The following CALR3 variants were observed in gnomAD, a reference collection of about 807,000 sequenced individuals.
CALR3 encodes calreticulin 3.
In CALR3, 39 loss-of-function variants were observed where a neutral mutation model predicts 48.7. The ratio of observed to expected loss-of-function variants is 0.80; its 90% CI spans 0.62 to 1.05. The LOEUF (loss-of-function observed/expected upper bound fraction) is 1.05, where lower values mean the gene tolerates loss of function less well. Among genes scored for constraint, CALR3 ranks in the 50% least tolerant of loss-of-function variants. The probability of loss-of-function intolerance (pLI) is 0.00; values close to 1 mark genes in which losing one functional copy is unlikely to be tolerated. For synonymous variants in CALR3, 185 were observed against 172.7 expected, an observed-to-expected ratio of 1.07 and a Z score of -0.56; for missense variants, 449 against 474.7, an observed-to-expected ratio of 0.95 and a Z score of 0.50.
At chr19:16,495,982 T>A in intron 1 of CALR3, 57 bp downstream of exon 1, 1 of 1,567,178 alleles carries the variant, frequency 6.4e-7, no homozygotes, top group Admixed American at 1.9e-5. Flanking sequence ...TGGCCAGCCT[T>A]AGGGGGCGGA....
chr19:16,483,975 C>T lies in CALR3; in HGVS notation c.633G>A (p.Pro211=), dbSNP rs748099861. ...TCTGTTCCCAATCCTTCGATTCTGC[C>T]GGGGACGTTTCCTTCTTGAGTGATG... The part of the protein sequence containing the change: ...NLTSLKKETS[P]AESKDWEQTK... The change falls in exon 5 of 9, where the codon CCG becomes CCA. Residue 211 remains proline, a synonymous_variant. Transcript: ENST00000269881. 7.4e-6 allele frequency: 12 copies of T among 1,613,826 alleles called. No homozygotes were observed. The highest frequency in any genetic ancestry group is 6.7e-5 in the East Asian group (3 of 44,880).
At chr19:16,480,039 C>T (rs1306999829) in intron 8 of CALR3, among the ~76,000 whole-genome samples, 1 of 149,344 alleles carries the variant, frequency 6.7e-6, no homozygotes, top group Non-Finnish European at 1.5e-5. Context: ...CCCGTCTCTA[C>T]TAAAAATACA....
At chr19:16,485,922 T>C (rs1373521500) in intron 3 of CALR3, among the ~76,000 whole-genome samples, 1 of 152,098 alleles carries the variant, frequency 6.6e-6, no homozygotes, top group African/African-American at 2.4e-5. Flanking sequence ...CCTCCCAAAG[T>C]GCTGAGATTA....
chr19:16,491,444 C>T (rs1160910941), intron 2 of CALR3, among the ~76,000 whole-genome samples: 1 of 150,236 alleles, frequency 6.7e-6, no homozygotes, highest in Non-Finnish European at 1.5e-5. Flanking sequence ...AAACATTCTA[C>T]TCTGCCTTTT....
intron 7 of CALR3, among the ~76,000 whole-genome samples, chr19:16,481,830 A>G (rs545651933): frequency 5.9e-5 from 9 of 151,290 alleles, no homozygotes; most frequent in Middle Eastern, 6.9e-3. Flanking sequence ...CAAAAAAACA[A>G]ACAAAACTCT....
At position 16,490,378 on chromosome 19, in the gene CALR3, T is replaced by C; in HGVS notation, c.386A>G (p.Tyr129Cys). ...QKNLNGKSQY[Y>C]IMFGPDICGF... ...CCACGTAAACTCACCAAACATAATA[T>C]AGTACTGCGATTTTCCATTCAGGTT... Residue 129 changes from tyrosine to cysteine, a missense_variant, in exon 3 of 9, where the codon TAT (tyrosine) becomes TGT (cysteine). Transcript: ENST00000269881. 3 of 1,614,136 alleles carry C rather than the reference T, an allele frequency of 1.9e-6. No homozygotes were observed. Among genetic ancestry groups the C allele is most frequent in the East Asian group, 2.2e-5 (1 of 44,878 alleles).
intron 2 of CALR3, among the ~76,000 whole-genome samples, chr19:16,493,776 G>A (rs1283770192): frequency 6.6e-6 from 1 of 151,872 alleles, no homozygotes; most frequent in Non-Finnish European, 1.5e-5. Flanking sequence ...TATCCAGGCT[G>A]GAGTGCAGTG....
chr19:16,483,714 G>C (rs1034661341), intron 5 of CALR3: 17 of 547,818 alleles, frequency 3.1e-5, no homozygotes, highest in Middle Eastern at 4.9e-4. Context: ...ACGAAACTCT[G>C]TCTCAAAAAA....
rs543953490 is a variant in CALR3, at chr19:16,482,536, G to A, written c.832C>T (p.Arg278Cys). 1.4e-5 allele frequency: 22 copies of A among 1,614,148 alleles called. No homozygotes were observed. The highest frequency in any genetic ancestry group is 1.3e-4 in the East Asian group (6 of 44,888). The change falls in exon 7 of 9, where the codon CGT (arginine) becomes TGT (cysteine). Residue 278 changes from arginine to cysteine, a missense_variant. Arg to Cys is a radical substitution (Grantham distance 180). Coordinates refer to ENST00000269881, the MANE Select transcript of CALR3 (RefSeq NM_145046.5). ...EGIHKDVWLH[R>C]KMKNTDYLTQ... ...AAATAGTCGGTATTCTTCATCTTACGGTGGAGCCAGACGTCTTTATGAATA... is the reference window on the plus strand; with the variant it reads ...AAATAGTCGGTATTCTTCATCTTACAGTGGAGCCAGACGTCTTTATGAATA...
In CALR3 at chr19:16,483,897, C is replaced by G. The variant is rs1389755949; in HGVS notation, c.678+33G>C. 2.5e-6 allele frequency: 4 copies of G among 1,607,094 alleles called. No homozygotes were observed. The South Asian group carries it at 3.3e-5, about 13-fold the overall frequency. On this transcript the variant is annotated intron_variant, in intron 5 of 8. Coordinates refer to ENST00000269881, the MANE Select transcript of CALR3 (RefSeq NM_145046.5). ...TGGGTACTTACAAACTACATTTGTGCACTTTTTAGAGTTGCCCAGGAAAAA... is the reference window on the plus strand; with the variant it reads ...TGGGTACTTACAAACTACATTTGTGGACTTTTTAGAGTTGCCCAGGAAAAA...
At chr19:16,486,336 T>C (rs1165099114) in intron 3 of CALR3, among the ~76,000 whole-genome samples, 1 of 125,744 alleles carries the variant, frequency 8.0e-6, no homozygotes, top group Admixed American at 8.1e-5. Flanking sequence ...AAAAAAAAAG[T>C]GTGGGCTGGG....
intron 7 of CALR3, among the ~76,000 whole-genome samples, chr19:16,481,222 T>C (rs2122125703): frequency 1.3e-5 from 2 of 152,186 alleles, no homozygotes; most frequent in South Asian, 4.1e-4. Context: ...GCTGGGACTA[T>C]TACAGGCGTG....
intron 3 of CALR3, 55 bp downstream of exon 3, chr19:16,490,312 G>T (rs960194810): frequency 2.7e-6 from 4 of 1,486,158 alleles, no homozygotes; most frequent in Non-Finnish European, 3.8e-6. Context: ...ATCCTGTGAA[G>T]TGGGAGGGTT....
chr19:16,483,591 G>A (rs2122130296), intron 5 of CALR3, among the ~76,000 whole-genome samples: 1 of 140,288 alleles, frequency 7.1e-6, no homozygotes, highest in Non-Finnish European at 1.6e-5. Flanking sequence ...GGTGGCGGGT[G>A]CCTGTAATCC....
chr19:16,484,032 T>G lies in CALR3; in HGVS notation c.576A>C (p.Glu192Asp). Residue 192 changes from glutamate (E) to aspartate (D), a missense_variant, in exon 5 of 9, where the codon GAA becomes GAC. Glu to Asp is a conservative substitution (Grantham distance 45). Coordinates refer to ENST00000269881, the MANE Select transcript of CALR3 (RefSeq NM_145046.5). ...TCCAGTCGTACTCTATGCTGCCGGA[T>G]TCAATTGACTGACCATCAATTTTCA... ...YDVKIDGQSIESGSIEYDWNL... is the reference protein window; with the variant it reads ...YDVKIDGQSIDSGSIEYDWNL... 6.2e-7 allele frequency: 1 copy of G among 1,614,150 alleles called. No individual in the cohort carries two copies. Among genetic ancestry groups the G allele is most frequent in the South Asian group, 1.1e-5 (1 of 91,076 alleles).
rs1420658492 is a variant in CALR3, at chr19:16,485,249, T to C, written c.406A>G (p.Ile136Val). The C allele has an allele frequency of 6.3e-7, 1 of 1,599,968 alleles. No individual in the cohort carries two copies. Among genetic ancestry groups the C allele is most frequent in the Admixed American group, 1.7e-5 (1 of 59,912 alleles). ...ACTTTCTTGATATCAAATCCACAAATATCGGGTCCTACAAAAAAGATTAGC... is the reference window on the plus strand; with the variant it reads ...ACTTTCTTGATATCAAATCCACAAACATCGGGTCCTACAAAAAAGATTAGC... ...SQYYIMFGPD[I>V]CGFDIKKVHV... The change falls in exon 4 of 9, where the codon ATT (isoleucine) becomes GTT (valine). Residue 136 changes from isoleucine (I) to valine (V), a missense_variant. Coordinates refer to ENST00000269881, the MANE Select transcript of CALR3 (RefSeq NM_145046.5).
chr19:16,493,379 C>A (rs2093400893), intron 2 of CALR3, among the ~76,000 whole-genome samples: 2 of 152,204 alleles, frequency 1.3e-5, no homozygotes, highest in South Asian at 4.2e-4. Flanking sequence ...TCAAGCCTTG[C>A]CTAGAAAGAT....
At chr19:16,482,916 C>T (rs1412258722) in intron 5 of CALR3, 131 bp from the exon 6 acceptor site, 3 of 819,736 alleles carry the variant, frequency 3.7e-6, no homozygotes, top group African/African-American at 1.7e-5. Flanking sequence ...GCAATCATGG[C>T]TCACTGCAGC....
chr19:16,481,655 C>A lies in CALR3; in HGVS notation c.918+795G>T, dbSNP rs951700223. The stretch of plus-strand genomic sequence containing the variant: ...CTGGGACTACAAGCACGCACCACCA[C>A]ACCCAGCTAATTTTTGTATTTTTAG... On this transcript the variant is annotated intron_variant, in intron 7 of 8. Transcript: ENST00000269881. Among the ~76,000 whole-genome samples the A allele has an allele frequency of 6.6e-5, 10 of 151,894 alleles. No homozygotes were observed. In the East Asian group the frequency reaches 1.2e-3, roughly 18 times the overall value.
Sources: allele counts gnomAD v4.1 joint callset (sites outside exome capture counted in the v4.1 genomes callset), GRCh38; gene constraint gnomAD v4.1.1; transcripts MANE v1.5; gene names NCBI Gene and HGNC (gene_info 2026-07-23, HGNC 2026-07-21).